AHCYL1: variants seen among roughly 807,000 people sequenced by gnomAD.
AHCYL1 encodes S-adenosylhomocysteine hydrolase-like protein 1.
A neutral mutation model predicts 79.3 loss-of-function variants in AHCYL1; 20 were observed. That is an observed-to-expected ratio of 0.25 (90% confidence interval 0.18 to 0.37). The LOEUF (loss-of-function observed/expected upper bound fraction) is 0.37, where lower values mean the gene tolerates loss of function less well. AHCYL1 is among the 10% of genes least tolerant of loss of function. AHCYL1 has a pLI of 1.00. For missense variants in AHCYL1, 330 were observed against 673.6 expected (o/e 0.49, Z 5.65); for synonymous variants, 223 against 242.2 (o/e 0.92, Z 0.74).
In AHCYL1 at chr1:110,009,019, C is replaced by G. The variant is rs1191867242; in HGVS notation, c.121-15C>G. ...TCCTTATAAGTTTTCAACTTTTTGT[C>G]TTCCTTTTGTATAGCAAATCCAGTT... On this transcript the variant is annotated splice_polypyrimidine_tract_variant and intron_variant, in intron 1 of 16. Transcript: ENST00000369799. 8.2e-6 allele frequency: 13 copies of G among 1,588,582 alleles called. No individual in the cohort carries two copies. Among genetic ancestry groups the G allele is most frequent in the Non-Finnish European group, 1.0e-5 (12 of 1,163,782 alleles).
chr1:110,002,300 G>A (rs888891968), intron 1 of AHCYL1, among the ~76,000 whole-genome samples: 2 of 152,314 alleles, frequency 1.3e-5, no homozygotes, highest in African/African-American at 4.8e-5. Context: ...TCCAGGTTTG[G>A]AGAAGAGGAA....
chr1:110,016,496 G>T, intron 8 of AHCYL1, 36 bp downstream of exon 8: 1 of 1,584,978 alleles, frequency 6.3e-7, no homozygotes, highest in Non-Finnish European at 8.6e-7. Context: ...ACTTCTAGGG[G>T]CTCTGGTCTT....
chr1:109,985,033 C>T lies in AHCYL1; in HGVS notation c.-20C>T, dbSNP rs775875258. Reference sequence around the variant, plus strand: ...AGAGGCGGGGGCGGCGGGTCAGCCGCTGGCCGGGCCGGCCGGGGAATGTCG... The same window carrying T: ...AGAGGCGGGGGCGGCGGGTCAGCCGTTGGCCGGGCCGGCCGGGGAATGTCG... On this transcript the variant is annotated 5_prime_UTR_variant, in exon 1 of 17. Transcript: ENST00000369799. The T allele has an allele frequency of 3.2e-6, 5 of 1,539,206 alleles. No homozygotes were observed. Among genetic ancestry groups the T allele is most frequent in the African/African-American group, 2.8e-5 (2 of 70,672 alleles).
chr1:110,008,501 A>G (rs1420787978), intron 1 of AHCYL1, among the ~76,000 whole-genome samples: 1 of 152,174 alleles, frequency 6.6e-6, no homozygotes, highest in Non-Finnish European at 1.5e-5. Context: ...TGAAGTATAG[A>G]CATATGGTTG....
In AHCYL1 at chr1:110,023,720, T is replaced by A. The variant is rs1651942268; in HGVS notation, c.*2040T>A. The A allele has an allele frequency of 6.6e-6, 1 of 152,662 alleles. No individual in the cohort carries two copies. Among genetic ancestry groups the A allele is most frequent in the Admixed American group, 6.5e-5 (1 of 15,284 alleles). 9.5% of individuals were successfully genotyped at this position (152,662 alleles called of 1,614,324 possible). A position where few individuals can be genotyped will look rare whatever the true frequency, so the allele number is the denominator to read the frequency against. ...TGCAGATGAGCAATAATCATTAAAA[T>A]CGATTAAAATGATAAGACCTTATTG... On this transcript the variant is annotated 3_prime_UTR_variant, in exon 17 of 17. Transcript: ENST00000369799.
intron 1 of AHCYL1, among the ~76,000 whole-genome samples, chr1:109,996,578 G>C (rs1481112094): frequency 6.6e-6 from 1 of 152,224 alleles, no homozygotes; most frequent in Non-Finnish European, 1.5e-5. Flanking sequence ...AATGCACACA[G>C]TCATGTGTCA....
In AHCYL1 at chr1:110,023,612, C is replaced by T. The variant is rs776319108; in HGVS notation, c.*1932C>T. 19 of 152,144 alleles carry T rather than the reference C, an allele frequency of 1.2e-4. No individual in the cohort carries two copies. The highest frequency in any genetic ancestry group is 2.6e-4 in the Non-Finnish European group (18 of 67,994). The allele number at this position is 152,144 out of a possible 1,614,324, so 9.4% of individuals were successfully genotyped here. A position where few individuals can be genotyped will look rare whatever the true frequency, so the allele number is the denominator to read the frequency against. The stretch of plus-strand genomic sequence containing the variant: ...TTAAAAAAAAAAAAAAGTCTGGCAT[C>T]AGAGGGAGCATGTGGAGAGCAACTT... On this transcript the variant is annotated 3_prime_UTR_variant, in exon 17 of 17. Coordinates refer to ENST00000369799, the MANE Select transcript of AHCYL1 (RefSeq NM_006621.7).
chr1:109,989,510 C>G (rs769008474), intron 1 of AHCYL1, among the ~76,000 whole-genome samples: 1 of 152,146 alleles, frequency 6.6e-6, no homozygotes, highest in African/African-American at 2.4e-5. Flanking sequence ...AGAGCCACCA[C>G]GCCCACCCCA....
At chr1:110,000,899 C>G (rs1308737951) in intron 1 of AHCYL1, 1 of 940,982 alleles carries the variant, frequency 1.1e-6, no homozygotes, top group African/African-American at 1.8e-5. Context: ...AAATACAAAC[C>G]CTCTGTAAAC....
At chr1:110,019,755 A>T (rs1239632712) in intron 15 of AHCYL1, 129 bp downstream of exon 15, 1 of 823,068 alleles carries the variant, frequency 1.2e-6, no homozygotes, top group Non-Finnish European at 1.9e-6. Flanking sequence ...GTTTGACCTC[A>T]GGACAAGTTC....
intron 13 of AHCYL1, 40 bp downstream of exon 13, chr1:110,018,690 G>T: frequency 6.4e-7 from 1 of 1,561,518 alleles, no homozygotes; most frequent in Non-Finnish European, 8.8e-7. Flanking sequence ...AGCACAAGCA[G>T]AGTAGTTAGA....
chr1:110,016,251 G>A, intron 7 of AHCYL1, 93 bp from the exon 8 acceptor site: 1 of 790,250 alleles, frequency 1.3e-6, no homozygotes. Flanking sequence ...GGGCAGCATG[G>A]AACTTGAAGA....
intron 3 of AHCYL1, 82 bp from the exon 4 acceptor site, chr1:110,012,280 C>T (rs1047386093): frequency 7.8e-7 from 1 of 1,276,590 alleles, no homozygotes; most frequent in African/African-American, 1.5e-5. Flanking sequence ...CACCATATCT[C>T]AACAGATCCA....
In AHCYL1 at chr1:110,018,563, C is replaced by T. The variant is rs763240355; in HGVS notation, c.1230C>T (p.Arg410=). 2 of 1,614,112 alleles carry T rather than the reference C, an allele frequency of 1.2e-6. No individual in the cohort carries two copies. Among genetic ancestry groups the T allele is most frequent in the South Asian group, 1.1e-5 (1 of 91,076 alleles). ...SNTEIDVTSL[R]TPELTWERVR... ...TTTCTTCCTTTCAGACCAGCCTCCGCACTCCGGAGCTGACGTGGGAGCGAG... is the reference window on the plus strand; with the variant it reads ...TTTCTTCCTTTCAGACCAGCCTCCGTACTCCGGAGCTGACGTGGGAGCGAG... The change falls in exon 13 of 17, where the codon CGC becomes CGT. Residue 410 remains arginine (R), a synonymous_variant. Transcript: ENST00000369799.
intron 1 of AHCYL1, among the ~76,000 whole-genome samples, chr1:110,005,743 A>C (rs1386176357): frequency 6.6e-6 from 1 of 151,742 alleles, no homozygotes; most frequent in Non-Finnish European, 1.5e-5. Flanking sequence ...ATGAAAGTAA[A>C]CTCAGCTTCT....
chr1:110,023,140 G>A lies in AHCYL1; in HGVS notation c.*1460G>A, dbSNP rs965511516. ...GTGATCCCTCAAAGTTGGGTCATACGTTAGTGCTAGATACTAGAAATTTTC... is the reference window on the plus strand; with the variant it reads ...GTGATCCCTCAAAGTTGGGTCATACATTAGTGCTAGATACTAGAAATTTTC... On this transcript the variant is annotated 3_prime_UTR_variant, in exon 17 of 17. Transcript: ENST00000369799. The A allele has an allele frequency of 1.3e-5, 2 of 152,566 alleles. No individual in the cohort carries two copies. The highest frequency in any genetic ancestry group is 2.9e-5 in the Non-Finnish European group (2 of 68,032). 9.5% of individuals were successfully genotyped at this position (152,566 alleles called of 1,614,324 possible). A position where few individuals can be genotyped will look rare whatever the true frequency, so the allele number is the denominator to read the frequency against.
intron 4 of AHCYL1, 40 bp from the exon 5 acceptor site, chr1:110,012,857 C>T: frequency 6.5e-7 from 1 of 1,533,644 alleles, no homozygotes; most frequent in Non-Finnish European, 8.9e-7. Context: ...CCTGGGTGGC[C>T]CTTCTCTTCC....
Position 110,016,867 on chromosome 1 carries a change from C to T in AHCYL1, c.963+137C>T, listed in dbSNP as rs1462734530. The T allele has an allele frequency of 7.8e-6, 7 of 897,300 alleles. No individual in the cohort carries two copies. In the African/African-American group the frequency reaches 1.2e-4, roughly 15 times the overall value. 55.6% of individuals were successfully genotyped at this position (897,300 alleles called of 1,614,324 possible). On this transcript the variant is annotated intron_variant, in intron 9 of 16. Transcript: ENST00000369799. Reference sequence around the variant, plus strand: ...TTAGATAATGTATCTCAAACAATAGCAAAAGCCTTTTATTCAGATTTATGA... The same window carrying T: ...TTAGATAATGTATCTCAAACAATAGTAAAAGCCTTTTATTCAGATTTATGA...
At chr1:109,999,504 A>G (rs1650196894) in intron 1 of AHCYL1, among the ~76,000 whole-genome samples, 1 of 152,158 alleles carries the variant, frequency 6.6e-6, no homozygotes. Flanking sequence ...GCTTTTTTAG[A>G]TTGCACATAA....
Sources: gnomAD v4.1 joint callset for allele counts (sites outside exome capture counted in the v4.1 genomes callset) on GRCh38, gnomAD v4.1.1 for gene constraint, MANE v1.5 for transcripts, NCBI Gene and HGNC (gene_info 2026-07-23, HGNC 2026-07-21) for gene names.